Variants in PPP6R1 observed in about 807,000 individuals in gnomAD.
PPP6R1 encodes the protein serine/threonine-protein phosphatase 6 regulatory subunit 1.
A neutral mutation model predicts 104.6 loss-of-function variants in PPP6R1; 39 were observed. That is an observed-to-expected ratio of 0.37 (90% CI 0.29 to 0.49). The LOEUF is 0.49. Ranked by LOEUF, PPP6R1 falls within the 20% of genes least tolerant of loss-of-function variation. PPP6R1 has a pLI of 0.98. For missense variants in PPP6R1, 1,181 were observed against 1,155.8 expected (o/e 1.02, Z -0.32); for synonymous variants, 549 against 479.0 (o/e 1.15, Z -1.91).
Position 55,240,246 on chromosome 19 carries a change from C to A in PPP6R1, c.1351G>T (p.Asp451Tyr). The A allele has an allele frequency of 1.3e-6, 2 of 1,591,668 alleles. No individual in the cohort carries two copies. The highest frequency in any genetic ancestry group is 2.3e-5 in the South Asian group (2 of 87,404). ...ERILTSWEEN[D>Y]RVQCAGGPRK... ...GCAGCAGGTGCTCACTGTACACGGT[C>A]GTTCTCCTCCCAGGACGTCAGGATC... The change falls in exon 11 of 24, where the codon GAC becomes TAC. Residue 451 changes from aspartate (D) to tyrosine (Y), a missense_variant. By Grantham distance (160) the Asp-to-Tyr change is radical. Coordinates refer to ENST00000412770, the MANE Select transcript of PPP6R1 (RefSeq NM_014931.4).
At chr19:55,255,950 C>G (rs1654925629) in intron 1 of PPP6R1, among the ~76,000 whole-genome samples, 1 of 152,236 alleles carries the variant, frequency 6.6e-6, no homozygotes, top group Non-Finnish European at 1.5e-5. Context: ...TCATCTGCCT[C>G]CCCCTGAAAC....
intron 1 of PPP6R1, among the ~76,000 whole-genome samples, chr19:55,249,771 C>T (rs1047027954): frequency 4.2e-4 from 64 of 151,846 alleles, no homozygotes; most frequent in African/African-American, 1.4e-3. Context: ...AACCCGGGAG[C>T]GGAGGTTGCA....
chr19:55,257,971 T>G (rs987616457), intron 1 of PPP6R1, among the ~76,000 whole-genome samples: 1 of 152,006 alleles, frequency 6.6e-6, no homozygotes, highest in Admixed American at 6.5e-5. Flanking sequence ...CAAGCCCCGC[T>G]CCTCCAGTCC....
chr19:55,243,491 C>T (rs1169325434), intron 5 of PPP6R1, among the ~76,000 whole-genome samples: 2 of 151,428 alleles, frequency 1.3e-5, no homozygotes, highest in Non-Finnish European at 2.9e-5. Flanking sequence ...CATAGCAAAA[C>T]TCTATCTCTA....
chr19:55,240,644 CTT>C (rs2087447011), intron 10 of PPP6R1, among the ~76,000 whole-genome samples: 1 of 86,486 alleles, frequency 1.2e-5, no homozygotes, highest in South Asian at 4.2e-4. Flanking sequence ...CTCACACACG[CTT>C]GCACTGACAC....
chr19:55,241,358 C>T lies in PPP6R1; in HGVS notation c.1042G>A (p.Ala348Thr). Residue 348 changes from alanine to threonine, a missense_variant, in exon 9 of 24, where the codon GCT becomes ACT. Transcript: ENST00000412770. The surrounding 1 kb of genome is among the most constrained non-coding windows in gnomAD (Gnocchi z 5.4). ...EPLQMTWGML[A>T]PPLGNTRLHV... ...AGCCGCGTGTTGCCCAGAGGCGGAG[C>T]CAGCATGCCCCATGTCATCTGTAGC... 6.2e-7 allele frequency: 1 copy of T among 1,611,294 alleles called. No homozygotes were observed. The highest frequency in any genetic ancestry group is 8.5e-7 in the Non-Finnish European group (1 of 1,179,444).
Position 55,257,078 on chromosome 19 carries a change from T to TAAAA in PPP6R1, c.-7+1353_-7+1356dup, listed in dbSNP as rs35336959. Among the ~76,000 whole-genome samples the TAAAA allele has an allele frequency of 3.2e-5, 3 of 94,276 alleles. No individual in the cohort carries two copies. The Admixed American group carries it at 3.5e-4, about 11-fold the overall frequency. The allele number at this position is 94,276 out of a possible 152,430, so 61.8% of individuals were successfully genotyped here. On this transcript the variant is annotated intron_variant, in intron 1 of 23. Coordinates refer to ENST00000412770, the MANE Select transcript of PPP6R1 (RefSeq NM_014931.4). ...ATGATCCCAATCCCAGAACTAGAGT[T>TAAAA]AAAAAAAAAAAAAAAAAAAAAGCAT...
At chr19:55,246,774 A>T in intron 2 of PPP6R1, 103 bp downstream of exon 2, 2 of 1,115,040 alleles carry the variant, frequency 1.8e-6, no homozygotes, top group Non-Finnish European at 2.5e-6. Flanking sequence ...CCCAAACTGG[A>T]GTTTACTGAC....
At chr19:55,257,808 C>T (rs1465802188) in intron 1 of PPP6R1, among the ~76,000 whole-genome samples, 3 of 152,238 alleles carry the variant, frequency 2.0e-5, no homozygotes, top group African/African-American at 7.2e-5. Context: ...GCTGATGCCC[C>T]CTCCTCGGTG....
Position 55,240,931 on chromosome 19 carries a change from G to C in PPP6R1, c.1296+14C>G. 1 of 1,602,878 alleles carries C rather than the reference G, an allele frequency of 6.2e-7. No homozygotes were observed. Among genetic ancestry groups the C allele is most frequent in the South Asian group, 1.1e-5 (1 of 88,378 alleles). On this transcript the variant is annotated intron_variant, in intron 10 of 23. Transcript: ENST00000412770. The stretch of plus-strand genomic sequence containing the variant: ...TGGGCCCAGAAGGAGGGGGACCAGG[G>C]AGTCCCAGCTCACATGTTTCACAAC...
chr19:55,243,362 G>C (rs1406487381), intron 5 of PPP6R1, among the ~76,000 whole-genome samples: 2 of 143,744 alleles, frequency 1.4e-5, no homozygotes, highest in Admixed American at 7.1e-5. Flanking sequence ...GCAGTGAGCC[G>C]AGATCGTGCC....
chr19:55,239,466 C>G lies in PPP6R1; in HGVS notation c.1690G>C (p.Ala564Pro), dbSNP rs376572698. Residue 564 changes from alanine to proline, a missense_variant, in exon 15 of 24, where the codon GCC becomes CCC. Ala to Pro is a conservative substitution (Grantham distance 27). This residue lies in a region of PPP6R1 where 1,042 missense variants were observed against 955.6 expected (regional missense o/e 1.09). Transcript: ENST00000412770. ...MDFQMQRMTS[A>P]FIDHFGFNDE... Reference sequence around the variant, plus strand: ...TTGAAGCCGAAGTGGTCAATGAAGGCAGAGGTCATGCGCTGCATCTGGAAG... The same window carrying G: ...TTGAAGCCGAAGTGGTCAATGAAGGGAGAGGTCATGCGCTGCATCTGGAAG... 11 of 1,613,910 alleles carry G rather than the reference C, an allele frequency of 6.8e-6. No individual in the cohort carries two copies. Among genetic ancestry groups the G allele is most frequent in the African/African-American group, 4.0e-5 (3 of 74,930 alleles).
intron 21 of PPP6R1, among the ~76,000 whole-genome samples, chr19:55,231,118 C>A (rs1180075507): frequency 6.6e-6 from 1 of 152,136 alleles, no homozygotes; most frequent in African/African-American, 2.4e-5. Context: ...GTACTCGAGG[C>A]CGGCTGAGAC....
At chr19:55,243,014 A>C (rs2087472596) in intron 5 of PPP6R1, among the ~76,000 whole-genome samples, 1 of 152,184 alleles carries the variant, frequency 6.6e-6, no homozygotes, top group Admixed American at 6.5e-5. Context: ...AGAAAGGGGA[A>C]GATCAGGAGG....
At position 55,241,713 on chromosome 19, in the gene PPP6R1, C is replaced by A. The variant is rs576963033; in HGVS notation, c.846-74G>T. On this transcript the variant is annotated intron_variant, in intron 7 of 23. Coordinates refer to ENST00000412770, the MANE Select transcript of PPP6R1 (RefSeq NM_014931.4). This position sits in a 1 kb window ranked among gnomAD's most constrained non-coding sequence, Gnocchi z 5.4. ...GCCCACACAGGAGTAGGCACAAGGA[C>A]CACGTCTGCAGGGTCTGGAGGAAAA... The A allele has an allele frequency of 2.8e-5, 41 of 1,451,950 alleles. No homozygotes were observed. The highest frequency in any genetic ancestry group is 3.5e-5 in the Non-Finnish European group (38 of 1,089,528). 89.9% of individuals were successfully genotyped at this position (1,451,950 alleles called of 1,614,324 possible).
Position 55,232,093 on chromosome 19 carries a change from G to A in PPP6R1, c.2107C>T (p.Pro703Ser), listed in dbSNP as rs1370476713. ...CATTCACCTGGAGGCTGAGGGCCAG[G>A]GCTGGGGTAGGACAGAGGGGTGGCC... ...GGATPLSYPS[P>S]GPQPPGPSWT... The change falls in exon 18 of 24, where the codon CCT becomes TCT. Residue 703 changes from proline (P) to serine (S), a missense_variant. Pro to Ser is a moderately conservative substitution (Grantham distance 74). Transcript: ENST00000412770. The A allele has an allele frequency of 6.2e-7, 1 of 1,610,078 alleles. No homozygotes were observed. The highest frequency in any genetic ancestry group is 2.2e-5 in the East Asian group (1 of 44,738).
chr19:55,242,436 TC>T lies in PPP6R1; in HGVS notation c.670del (p.Glu224SerfsTer3). The T allele has an allele frequency of 6.2e-7, 1 of 1,613,940 alleles. No homozygotes were observed. Among genetic ancestry groups the T allele is most frequent in the Non-Finnish European group, 8.5e-7 (1 of 1,179,868 alleles). On this transcript the variant is annotated frameshift_variant, in exon 6 of 24. Coordinates refer to ENST00000412770, the MANE Select transcript of PPP6R1 (RefSeq NM_014931.4). LOFTEE classifies it high-confidence loss of function. ...GCTGTCCTGGACTTGGATCATCTGC[TC>T]CCGGCTCAGGCGGATGATGTCACAC... Reference protein sequence around the residue: ...SLCDIIRLSREQMIQVQDSPE... With the variant: ...SLCDIIRLSRXQMIQVQDSPE...
chr19:55,228,416 G>C (rs1432000911), downstream of PPP6R1: 3 of 1,612,834 alleles, frequency 1.9e-6, no homozygotes, highest in East Asian at 4.5e-5. Flanking sequence ...AAGGGGCTCA[G>C]CCACCTGCAG....
chr19:55,240,086 T>C lies in PPP6R1; in HGVS notation c.1390A>G (p.Met464Val). 1 of 1,597,190 alleles carries C rather than the reference T, an allele frequency of 6.3e-7. No homozygotes were observed. Among genetic ancestry groups the C allele is most frequent in the Non-Finnish European group, 8.5e-7 (1 of 1,172,986 alleles). ...QCAGGPRKGY[M>V]GHLTRVAGAL... ...CCGGCCACTCTTGTCAGGTGACCCA[T>C]GTAGCCTTTCCGAGGGCCTCCCGCA... Residue 464 changes from methionine (M) to valine (V), a missense_variant, in exon 12 of 24, where the codon ATG becomes GTG. Coordinates refer to ENST00000412770, the MANE Select transcript of PPP6R1 (RefSeq NM_014931.4).
Sources: gnomAD v4.1 joint callset for allele counts (sites outside exome capture counted in the v4.1 genomes callset) on GRCh38, gnomAD v4.1.1 for gene constraint, gnomAD v4.1.1 regional missense constraint, Gnocchi (gnomAD v3.1) non-coding constraint, MANE v1.5 for transcripts, NCBI Gene and HGNC (gene_info 2026-07-23, HGNC 2026-07-21) for gene names.